The following BRMS1 variants were observed in gnomAD, a reference collection of about 807,000 sequenced individuals.
The protein encoded by BRMS1 is breast cancer metastasis-suppressor 1.
BRMS1 carries 26 observed loss-of-function variants against 40.4 expected under a neutral mutation model. The observed-to-expected ratio is 0.64, with a 90% CI of 0.47 to 0.89. BRMS1 has a LOEUF of 0.89. BRMS1 is among the 40% of genes least tolerant of loss of function. The pLI is 0.00. For missense variants in BRMS1, 289 were observed against 309.4 expected (o/e 0.93, Z 0.49); for synonymous variants, 103 against 116.0 (o/e 0.89, Z 0.72).
At chr11:66,342,299 G>A in intron 1 of BRMS1, 58 bp from the exon 2 acceptor site, 5 of 1,590,888 alleles carry the variant, frequency 3.1e-6, no homozygotes, top group Non-Finnish European at 4.3e-6. Flanking sequence ...GGGGGAAAGA[G>A]GCAGCAGGAT....
Position 66,341,637 on chromosome 11 carries a change from C to T in BRMS1, c.140-14G>A, listed in dbSNP as rs771632423. On this transcript the variant is annotated splice_polypyrimidine_tract_variant and intron_variant, in intron 2 of 9. Transcript: ENST00000359957. The surrounding 1 kb of genome is among the most constrained non-coding windows in gnomAD (Gnocchi z 4.9). ...CATCATCCATCTCTGGGACAAGAGG[C>T]CAGTAAGGGCTAGCTCTGGGGAGGA... 1.9e-6 allele frequency: 3 copies of T among 1,611,818 alleles called. No homozygotes were observed. Among genetic ancestry groups the T allele is most frequent in the Admixed American group, 3.3e-5 (2 of 60,028 alleles).
rs1203702052 is a variant in BRMS1 at position 66,337,688 on chromosome 11, G to T, written c.*194C>A. ...TCAGGTCAGCTCCACGGCCACAGCTGTGCAGGCCTCGAGGAGGGCAGAGGA... is the reference window on the plus strand; with the variant it reads ...TCAGGTCAGCTCCACGGCCACAGCTTTGCAGGCCTCGAGGAGGGCAGAGGA... On this transcript the variant is annotated 3_prime_UTR_variant, in exon 10 of 10. Transcript: ENST00000359957. 2.5e-6 allele frequency: 4 copies of T among 1,586,290 alleles called. No homozygotes were observed. Among genetic ancestry groups the T allele is most frequent in the Non-Finnish European group, 3.4e-6 (4 of 1,167,400 alleles).
rs115148520 is a variant in BRMS1, at chr11:66,340,072, T to C, written c.628+49A>G. On this transcript the variant is annotated intron_variant, in intron 7 of 9. Coordinates refer to ENST00000359957, the MANE Select transcript of BRMS1 (RefSeq NM_015399.4). ...CAACCCCCTCCCCTGGGTCTGGAGT[T>C]GACCCTTACATCCTGCCCACTTTTA... is the stretch of plus-strand genomic sequence containing the variant. 5.5e-4 allele frequency: 843 copies of C among 1,527,996 alleles called. 5 individuals carry two copies. The African/African-American group carries it at 0.011, about 19-fold the overall frequency. The allele number at this position is 1,527,996 out of a possible 1,614,324, so 94.7% of individuals were successfully genotyped here.
intron 7 of BRMS1, among the ~76,000 whole-genome samples, chr11:66,339,605 G>A (rs991478926): frequency 8.5e-5 from 13 of 152,184 alleles, no homozygotes; most frequent in African/African-American, 3.1e-4. Flanking sequence ...GACAACCCCG[G>A]GAGATGGAAA....
intron 7 of BRMS1, among the ~76,000 whole-genome samples, chr11:66,339,285 C>G (rs1414363659): frequency 6.6e-6 from 1 of 152,214 alleles, no homozygotes; most frequent in Non-Finnish European, 1.5e-5. Flanking sequence ...GCAGGAATAC[C>G]CTCAGGGGTG....
rs1784036 is a variant in BRMS1 at position 66,342,076 on chromosome 11, C to G, written c.139+20G>C. 1.0e-3 allele frequency: 1,026 copies of G among 1,027,186 alleles called. 8 individuals are homozygous for G. In the African/African-American group the frequency reaches 0.013, roughly 13 times the overall value. 63.6% of individuals were successfully genotyped at this position (1,027,186 alleles called of 1,614,324 possible). ...GGGCTCTGTGTGTGTGTGTGTGTGT[C>G]TGTGTGTGTAGGGGCTCACCGGAGC... On this transcript the variant is annotated intron_variant, in intron 2 of 9. Transcript: ENST00000359957.
rs1590929952 is a variant in BRMS1, at chr11:66,341,986, C to T, written c.139+110G>A. The T allele has an allele frequency of 1.6e-5, 19 of 1,187,798 alleles. 1 individual carries two copies. Among genetic ancestry groups the T allele is most frequent in the Admixed American group, 1.2e-4 (5 of 42,834 alleles). The allele number at this position is 1,187,798 out of a possible 1,614,324, so 73.6% of individuals were successfully genotyped here. On this transcript the variant is annotated intron_variant, in intron 2 of 9. Coordinates refer to ENST00000359957, the MANE Select transcript of BRMS1 (RefSeq NM_015399.4). The surrounding 1 kb of genome is among the most constrained non-coding windows in gnomAD (Gnocchi z 4.9). Reference sequence around the variant, plus strand: ...GTCTGTGTATGTGCTTGTGTGTAGGCGCTGTATGTGCATGTGCGTGCATGC... The same window carrying T: ...GTCTGTGTATGTGCTTGTGTGTAGGTGCTGTATGTGCATGTGCGTGCATGC...
chr11:66,338,546 C>T, intron 8 of BRMS1, 175 bp downstream of exon 8: 1 of 1,454,572 alleles, frequency 6.9e-7, no homozygotes, highest in Non-Finnish European at 9.1e-7. Flanking sequence ...AATCCCTTTT[C>T]CCAGGGCCGC....
chr11:66,338,149 C>A, intron 9 of BRMS1, 94 bp downstream of exon 9: 1 of 1,523,426 alleles, frequency 6.6e-7, no homozygotes, highest in South Asian at 1.2e-5. Flanking sequence ...CTGACACAGT[C>A]ACAGCCTTTC....
intron 1 of BRMS1, among the ~76,000 whole-genome samples, chr11:66,343,991 CTTCTA>C (rs1218273705): frequency 6.6e-6 from 1 of 152,196 alleles, no homozygotes; most frequent in African/African-American, 2.4e-5. Context: ...CTCCTGCAGG[CTTCTA>C]TTTTATTGTG....
At chr11:66,340,286 C>T (rs1305473329) in intron 6 of BRMS1, 73 bp from the exon 7 acceptor site, 10 of 1,368,632 alleles carry the variant, frequency 7.3e-6, no homozygotes, top group Non-Finnish European at 1.0e-5. Context: ...CCTCTGCCTC[C>T]ACCATGGGCC....
chr11:66,341,032 A>T lies in BRMS1; in HGVS notation c.373T>A (p.Phe125Ile), dbSNP rs186635131. 1 of 1,614,044 alleles carries T rather than the reference A, an allele frequency of 6.2e-7. No individual in the cohort carries two copies. Among genetic ancestry groups the T allele is most frequent in the Admixed American group, 1.7e-5 (1 of 60,026 alleles). ...RIQVAGIYKG[F>I]CLDVIRNKYE... ...TTATTCCTGATCACATCCAGACAGA[A>T]GCCCTTGTAGATCCCTGCAGAGAAA... is the stretch of plus-strand genomic sequence containing the variant. The change falls in exon 5 of 10, where the codon TTC becomes ATC. Residue 125 changes from phenylalanine (F) to isoleucine (I), a missense_variant. By Grantham distance (21) the Phe-to-Ile change is conservative. Transcript: ENST00000359957. This position sits in a 1 kb window ranked among gnomAD's most constrained non-coding sequence, Gnocchi z 4.9.
At chr11:66,338,697 C>G in intron 8 of BRMS1, 24 bp downstream of exon 8, 1 of 1,612,504 alleles carries the variant, frequency 6.2e-7, no homozygotes, top group Non-Finnish European at 8.5e-7. Flanking sequence ...TGGGGCAGGT[C>G]ACGTGGGCAG....
chr11:66,339,876 G>A (rs779891102), intron 7 of BRMS1: 12 of 440,266 alleles, frequency 2.7e-5, no homozygotes, highest in Non-Finnish European at 4.6e-5. Context: ...TGCTGGGACT[G>A]TAGATGTGAG....
At chr11:66,340,334 G>C (rs975377610) in intron 6 of BRMS1, 121 bp from the exon 7 acceptor site, 3 of 801,070 alleles carry the variant, frequency 3.7e-6, no homozygotes, top group Non-Finnish European at 6.1e-6. Flanking sequence ...CACCACCCTG[G>C]GCTTGGGGTA....
In BRMS1 at chr11:66,341,913, G is replaced by T; in HGVS notation, c.139+183C>A. 1 of 706,586 alleles carries T rather than the reference G, an allele frequency of 1.4e-6. No homozygotes were observed. Among genetic ancestry groups the T allele is most frequent in the Admixed American group, 2.3e-5 (1 of 43,874 alleles). The allele number at this position is 706,586 out of a possible 1,614,324, so 43.8% of individuals were successfully genotyped here. ...GCTTGTGTGTAGGGGCTGTGTGTGC[G>T]TGCTTGTGTGTAGGGGCTGTGTGTG... On this transcript the variant is annotated intron_variant, in intron 2 of 9. Coordinates refer to ENST00000359957, the MANE Select transcript of BRMS1 (RefSeq NM_015399.4). The surrounding 1 kb of genome is among the most constrained non-coding windows in gnomAD (Gnocchi z 4.9).
intron 9 of BRMS1, 110 bp from the exon 10 acceptor site, chr11:66,337,999 G>T: frequency 1.5e-6 from 2 of 1,302,156 alleles, no homozygotes; most frequent in Non-Finnish European, 1.1e-6. Flanking sequence ...CTCCTGGGCA[G>T]CTCCACAGCC....
Position 66,341,008 on chromosome 11 carries a change from T to TA in BRMS1, c.396dup (p.Lys133Ter). 1 of 1,614,082 alleles carries TA rather than the reference T, an allele frequency of 6.2e-7. No homozygotes were observed. Among genetic ancestry groups the TA allele is most frequent in the Non-Finnish European group, 8.5e-7 (1 of 1,180,010 alleles). On this transcript the variant is annotated frameshift_variant, in exon 5 of 10. Transcript: ENST00000359957. LOFTEE classifies it high-confidence loss of function. This position sits in a 1 kb window ranked among gnomAD's most constrained non-coding sequence, Gnocchi z 4.9. Reference sequence around the variant, plus strand: ...GCTCCCTGCAGCTCACATTCGTACTTATTCCTGATCACATCCAGACAGAAG... The same window carrying TA: ...GCTCCCTGCAGCTCACATTCGTACTTAATTCCTGATCACATCCAGACAGAAG...
intron 7 of BRMS1, among the ~76,000 whole-genome samples, chr11:66,339,058 T>A (rs148834320): frequency 4.3e-4 from 65 of 152,264 alleles, no homozygotes; most frequent in African/African-American, 1.4e-3. Flanking sequence ...CCCATCTCAC[T>A]CTGCAGCACT....
Sources: allele counts gnomAD v4.1 joint callset (sites outside exome capture counted in the v4.1 genomes callset), GRCh38; gene constraint gnomAD v4.1.1; non-coding constraint Gnocchi (gnomAD v3.1); transcripts MANE v1.5; gene names NCBI Gene and HGNC (gene_info 2026-07-23, HGNC 2026-07-21).